Variants in FGF2 observed in about 807,000 individuals in gnomAD.
FGF2 encodes the protein fibroblast growth factor 2.
Under a neutral mutation model 15.9 loss-of-function variants are expected in FGF2, and 13 were observed. The observed-to-expected ratio is 0.82, with a 90% confidence interval of 0.53 to 1.30. The LOEUF (loss-of-function observed/expected upper bound fraction) is 1.30, where lower values mean the gene tolerates loss of function less well. Ranked by LOEUF, FGF2 falls within the 50% of genes most tolerant of loss-of-function variation. The pLI, the probability that FGF2 is intolerant of heterozygous loss-of-function variation, is 0.00. For missense variants in FGF2, 163 were observed against 196.9 expected (o/e 0.83, Z 1.03); for synonymous variants, 90 against 78.4 (o/e 1.15, Z -0.78).
At chr4:122,891,506 A>G (rs941447216) in intron 2 of FGF2, among the ~76,000 whole-genome samples, 5 of 151,730 alleles carry the variant, frequency 3.3e-5, no homozygotes, top group African/African-American at 1.2e-4. Context: ...GCCAGAAATC[A>G]GTATGATACT....
intron 1 of FGF2, among the ~76,000 whole-genome samples, chr4:122,856,529 C>G (rs913265460): frequency 2.0e-5 from 3 of 152,134 alleles, no homozygotes; most frequent in Non-Finnish European, 4.4e-5. Flanking sequence ...GCTTCTTTCT[C>G]TCAAGTAATT....
chr4:122,837,731 AG>A (rs1239997530), intron 1 of FGF2, among the ~76,000 whole-genome samples: 1 of 152,088 alleles, frequency 6.6e-6, no homozygotes, highest in Non-Finnish European at 1.5e-5. Flanking sequence ...CAAGAGAAAA[AG>A]GTCCCTTTGA....
chr4:122,892,720 A>T lies in FGF2; in HGVS notation c.*324A>T, dbSNP rs2150793971. The T allele has an allele frequency of 2.2e-6, 3 of 1,342,796 alleles. No homozygotes were observed. The highest frequency in any genetic ancestry group is 2.0e-6 in the Non-Finnish European group (2 of 1,005,418). The allele number at this position is 1,342,796 out of a possible 1,614,324, so 83.2% of individuals were successfully genotyped here. The stretch of plus-strand genomic sequence containing the variant: ...TTTAGAAACAAAATTTCTTCATGGA[A>T]ATCATATACATTAGAAAATCACAGT... On this transcript the variant is annotated 3_prime_UTR_variant, in exon 3 of 3. Transcript: ENST00000644866.
At chr4:122,857,904 T>G (rs951243106) in intron 1 of FGF2, among the ~76,000 whole-genome samples, 94 of 152,346 alleles carry the variant, frequency 6.2e-4, no homozygotes, top group African/African-American at 2.1e-3. Flanking sequence ...AATCTTAAGT[T>G]TCATAATAAA....
chr4:122,858,927 G>T (rs895685572), intron 1 of FGF2, among the ~76,000 whole-genome samples: 3 of 150,330 alleles, frequency 2.0e-5, no homozygotes, highest in South Asian at 4.1e-4. Flanking sequence ...ATTGGAAAGC[G>T]AACACACTCT....
rs746637657 is a variant in FGF2, at chr4:122,893,193, TC to T, written c.*798del. ...GACCTGAATTCTGATTTTATACCAG[TC>T]TCTTCAAAAACTTCTCGAACCGCTG... On this transcript the variant is annotated 3_prime_UTR_variant, in exon 3 of 3. Coordinates refer to ENST00000644866, the MANE Select transcript of FGF2 (RefSeq NM_001361665.2). 1 of 1,611,638 alleles carries T rather than the reference TC, an allele frequency of 6.2e-7. No homozygotes were observed. The highest frequency in any genetic ancestry group is 1.3e-5 in the African/African-American group (1 of 74,942).
rs1362319791 is a variant in FGF2 at position 122,895,104 on chromosome 4, T to A, written c.*2708T>A. 6.6e-6 allele frequency: 1 copy of A among 152,228 alleles called. No individual in the cohort carries two copies. Among genetic ancestry groups the A allele is most frequent in the Admixed American group, 6.5e-5 (1 of 15,276 alleles). The allele number at this position is 152,228 out of a possible 1,614,324, so 9.4% of individuals were successfully genotyped here. A position where few individuals can be genotyped will look rare whatever the true frequency, so the allele number is the denominator to read the frequency against. On this transcript the variant is annotated 3_prime_UTR_variant, in exon 3 of 3. Transcript: ENST00000644866. The stretch of plus-strand genomic sequence containing the variant: ...ACTGAAAATTGAATGGGCAAATAAG[T>A]GCTTTTGTCTCCAGAGTATGCGGGA...
At chr4:122,855,803 A>G (rs571184533) in intron 1 of FGF2, among the ~76,000 whole-genome samples, 3 of 152,372 alleles carry the variant, frequency 2.0e-5, no homozygotes, top group African/African-American at 4.8e-5. Flanking sequence ...AAAAATCTGT[A>G]GATTTTCAGC....
intron 1 of FGF2, among the ~76,000 whole-genome samples, chr4:122,843,842 T>A (rs896975535): frequency 1.3e-5 from 2 of 152,202 alleles, no homozygotes; most frequent in African/African-American, 4.8e-5. Context: ...TACTGTATTT[T>A]TAAAAAATGC....
intron 2 of FGF2, among the ~76,000 whole-genome samples, chr4:122,876,760 G>A (rs962078804): frequency 4.6e-5 from 7 of 152,244 alleles, no homozygotes; most frequent in African/African-American, 1.7e-4. Context: ...AGATCATTGG[G>A]AATAAATGTA....
Position 122,886,109 on chromosome 4 carries a change from T to C in FGF2, c.283-6102T>C, listed in dbSNP as rs1230555991. Among the ~76,000 whole-genome samples, 4 of 151,680 alleles carry C rather than the reference T, an allele frequency of 2.6e-5. No homozygotes were observed. The East Asian group carries it at 7.8e-4, about 29-fold the overall frequency. The stretch of plus-strand genomic sequence containing the variant: ...AATTTGTTTTTATTTTTAGTAGAGA[T>C]GAGGTCTCACTATATTGCCCAAATT... On this transcript the variant is annotated intron_variant, in intron 2 of 2. Coordinates refer to ENST00000644866, the MANE Select transcript of FGF2 (RefSeq NM_001361665.2).
chr4:122,828,397 C>T (rs115499639), intron 1 of FGF2, among the ~76,000 whole-genome samples: 2,229 of 152,306 alleles, frequency 0.015, 31 homozygotes, highest in Non-Finnish European at 0.023. Context: ...GTAACCTGTC[C>T]TCCTGTAAGT....
In FGF2 at chr4:122,894,958, C is replaced by T. The variant is rs1449259178; in HGVS notation, c.*2562C>T. On this transcript the variant is annotated 3_prime_UTR_variant, in exon 3 of 3. Coordinates refer to ENST00000644866, the MANE Select transcript of FGF2 (RefSeq NM_001361665.2). ...CTCATGATCTATGCTGTTTCTATGT[C>T]GTGGAAGCACTGGATGGGGGTAGTG... The T allele has an allele frequency of 6.6e-6, 1 of 152,104 alleles. No individual in the cohort carries two copies. Among genetic ancestry groups the T allele is most frequent in the African/African-American group, 2.4e-5 (1 of 41,422 alleles). 9.4% of individuals were successfully genotyped at this position (152,104 alleles called of 1,614,324 possible).
In FGF2 at chr4:122,895,533, C is replaced by T. The variant is rs1727322742; in HGVS notation, c.*3137C>T. ...AGTGCACTGATGATCTCTGATAAGG[C>T]TCAGCTGCTTTATAGTTCTCTGGCT... On this transcript the variant is annotated 3_prime_UTR_variant, in exon 3 of 3. Coordinates refer to ENST00000644866, the MANE Select transcript of FGF2 (RefSeq NM_001361665.2). The T allele has an allele frequency of 6.6e-6, 1 of 152,216 alleles. No individual in the cohort carries two copies. Among genetic ancestry groups the T allele is most frequent in the African/African-American group, 2.4e-5 (1 of 41,448 alleles). 9.4% of individuals were successfully genotyped at this position (152,216 alleles called of 1,614,324 possible).
At chr4:122,856,610 TG>T (rs1207753770) in intron 1 of FGF2, among the ~76,000 whole-genome samples, 1 of 152,228 alleles carries the variant, frequency 6.6e-6, no homozygotes, top group Non-Finnish European at 1.5e-5. Flanking sequence ...ACTAGTTGGC[TG>T]GTATTTTCTA....
chr4:122,857,779 T>G (rs556487848), intron 1 of FGF2, among the ~76,000 whole-genome samples: 7 of 152,366 alleles, frequency 4.6e-5, no homozygotes, highest in Admixed American at 2.0e-4. Flanking sequence ...TTAAATTACA[T>G]AAGTTAAATG....
intron 1 of FGF2, among the ~76,000 whole-genome samples, chr4:122,844,565 C>CTT (rs774829930): frequency 0.016 from 2,340 of 142,298 alleles, 39 homozygotes; most frequent in East Asian, 0.072. Context: ...CTTTTTCTTT[C>CTT]TTTCTTTTTC....
intron 1 of FGF2, among the ~76,000 whole-genome samples, chr4:122,856,299 G>T (rs1172337855): frequency 6.6e-6 from 1 of 152,146 alleles, no homozygotes. Context: ...ACAGTGTCTG[G>T]TTCCTTTCAG....
intron 1 of FGF2, among the ~76,000 whole-genome samples, chr4:122,828,838 T>A (rs934698960): frequency 2.6e-5 from 4 of 152,222 alleles, no homozygotes; most frequent in African/African-American, 9.6e-5. Context: ...CTTGAACTCA[T>A]CTATTTCAAA....
Sources: gnomAD v4.1 joint callset for allele counts (sites outside exome capture counted in the v4.1 genomes callset) on GRCh38, gnomAD v4.1.1 for gene constraint, MANE v1.5 for transcripts, NCBI Gene and HGNC (gene_info 2026-07-23, HGNC 2026-07-21) for gene names.